The following EFEMP1 variants were observed in gnomAD, a reference collection of about 807,000 sequenced individuals.
EFEMP1 encodes EGF-like fibulin extracellular matrix protein 1.
Under a neutral mutation model 65.7 loss-of-function variants are expected in EFEMP1, and 18 were observed. That is an observed-to-expected ratio of 0.27 (90% CI 0.19 to 0.41). EFEMP1 has a LOEUF of 0.41. Among genes scored for constraint, EFEMP1 ranks in the 10% least tolerant of loss-of-function variants. The pLI is 1.00. For missense variants in EFEMP1, 469 were observed against 624.8 expected (o/e 0.75, Z 2.66); for synonymous variants, 237 against 219.7 (o/e 1.08, Z -0.70).
At position 55,885,033 on chromosome 2, in the gene EFEMP1, G is replaced by A. The variant is rs17047300; in HGVS notation, c.518-3299C>T. On this transcript the variant is annotated intron_variant, in intron 5 of 11. Coordinates refer to ENST00000355426, the MANE Select transcript of EFEMP1 (RefSeq NM_001039348.3). The surrounding 1 kb of genome is among the most constrained non-coding windows in gnomAD (Gnocchi z 4.3). ...CCTAATGGAGCTAAAAATGTATGAA[G>A]CAGAGTAACAAGGTATATCTGAGAA... 0.027 allele frequency among the ~76,000 whole-genome samples: 4,115 copies of A among 152,268 alleles called. 187 individuals carry two copies. Among genetic ancestry groups the A allele is most frequent in the African/African-American group, 0.093 (3,858 of 41,510 alleles).
rs1165675728 is a variant in EFEMP1, at chr2:55,885,907, TTCTC to T, written c.518-4177_518-4174del. Among the ~76,000 whole-genome samples, 7 of 152,182 alleles carry T rather than the reference TTCTC, an allele frequency of 4.6e-5. No individual in the cohort carries two copies. The highest frequency in any genetic ancestry group is 1.7e-4 in the African/African-American group (7 of 41,458). ...TCCCAAACCCCTGACTCATGCTGCT[TTCTC>T]TCTCTTATGCAACATTTTAATCTCT... is the stretch of plus-strand genomic sequence containing the variant. On this transcript the variant is annotated intron_variant, in intron 5 of 11. Transcript: ENST00000355426. This position sits in a 1 kb window ranked among gnomAD's most constrained non-coding sequence, Gnocchi z 4.3.
rs529743000 is a variant in EFEMP1 at position 55,869,801 on chromosome 2, C to T, written c.1320+919G>A. Among the ~76,000 whole-genome samples the T allele has an allele frequency of 6.6e-5, 10 of 152,200 alleles. No homozygotes were observed. The South Asian group carries it at 1.9e-3, about 28-fold the overall frequency. ...ACAGTTACCGTAACTCTGCAAACTGCTTGGTAGGGTGCCATCATTTTCACA... is the reference window on the plus strand; with the variant it reads ...ACAGTTACCGTAACTCTGCAAACTGTTTGGTAGGGTGCCATCATTTTCACA... On this transcript the variant is annotated intron_variant, in intron 11 of 11. Transcript: ENST00000355426.
Position 55,886,900 on chromosome 2 carries a change from C to T in EFEMP1, c.518-5166G>A, listed in dbSNP as rs1669440551. ...AGTATTTGCTATTGATAATGATAAC[C>T]TGAGTAATTAATATAATAAATTATG... is the stretch of plus-strand genomic sequence containing the variant. On this transcript the variant is annotated intron_variant, in intron 5 of 11. Transcript: ENST00000355426. This position sits in a 1 kb window ranked among gnomAD's most constrained non-coding sequence, Gnocchi z 4.0. Among the ~76,000 whole-genome samples, 2 of 151,914 alleles carry T rather than the reference C, an allele frequency of 1.3e-5. No individual in the cohort carries two copies. Among genetic ancestry groups the T allele is most frequent in the Admixed American group, 6.6e-5 (1 of 15,242 alleles).
intron 5 of EFEMP1, among the ~76,000 whole-genome samples, chr2:55,890,398 C>T (rs1224874904): frequency 6.6e-6 from 1 of 151,878 alleles, no homozygotes; most frequent in African/African-American, 2.4e-5. Flanking sequence ...ACACACTTCT[C>T]CTGGTAATTG....
intron 6 of EFEMP1, among the ~76,000 whole-genome samples, chr2:55,880,179 T>G (rs1027935838): frequency 6.6e-6 from 1 of 152,088 alleles, no homozygotes; most frequent in Non-Finnish European, 1.5e-5. Flanking sequence ...AATGATCAGA[T>G]TGAGCAAGAC....
chr2:55,879,764 G>T (rs1227036176), intron 6 of EFEMP1, among the ~76,000 whole-genome samples: 1 of 152,156 alleles, frequency 6.6e-6, no homozygotes, highest in Admixed American at 6.5e-5. Context: ...GGACCAGTCT[G>T]CAATGAATAA....
intron 5 of EFEMP1, among the ~76,000 whole-genome samples, chr2:55,904,284 T>C (rs1670156550): frequency 6.6e-6 from 1 of 152,212 alleles, no homozygotes. Flanking sequence ...ATGCAGTATA[T>C]ATTTTTTAAA....
chr2:55,892,572 G>T (rs1184651729), intron 5 of EFEMP1, among the ~76,000 whole-genome samples: 2 of 137,988 alleles, frequency 1.4e-5, no homozygotes, highest in Non-Finnish European at 3.0e-5. Flanking sequence ...GGGATGAATA[G>T]AAAGTTCTCT....
intron 5 of EFEMP1, among the ~76,000 whole-genome samples, chr2:55,911,704 C>A (rs76777253): frequency 0.033 from 5,029 of 152,090 alleles, 113 homozygotes; most frequent in South Asian, 0.072. Context: ...CACTTTGAGA[C>A]CCACTGAATT....
chr2:55,910,960 A>T (rs1369493476), intron 5 of EFEMP1, among the ~76,000 whole-genome samples: 1 of 152,126 alleles, frequency 6.6e-6, no homozygotes, highest in Non-Finnish European at 1.5e-5. Context: ...GCCTCATCTC[A>T]CAAGTTTGTG....
intron 5 of EFEMP1, among the ~76,000 whole-genome samples, chr2:55,908,249 C>T (rs1199035200): frequency 6.6e-6 from 1 of 152,178 alleles, no homozygotes; most frequent in Non-Finnish European, 1.5e-5. Flanking sequence ...CAGAGTCCTT[C>T]TCCCTTGATC....
At chr2:55,882,772 C>G (rs1194019948) in intron 5 of EFEMP1, among the ~76,000 whole-genome samples, 2 of 151,928 alleles carry the variant, frequency 1.3e-5, no homozygotes, top group Non-Finnish European at 2.9e-5. Flanking sequence ...GTATAAAAAC[C>G]AAAATACTAC....
At chr2:55,913,216 A>G (rs2104445521) in intron 5 of EFEMP1, among the ~76,000 whole-genome samples, 1 of 152,252 alleles carries the variant, frequency 6.6e-6, no homozygotes, top group Non-Finnish European at 1.5e-5. Flanking sequence ...CAACCATCCT[A>G]TTTGCCTGGG....
chr2:55,866,918 G>T lies in EFEMP1; in HGVS notation c.*155C>A. 1 of 924,058 alleles carries T rather than the reference G, an allele frequency of 1.1e-6. No individual in the cohort carries two copies. The highest frequency in any genetic ancestry group is 1.6e-6 in the Non-Finnish European group (1 of 614,396). The allele number at this position is 924,058 out of a possible 1,614,324, so 57.2% of individuals were successfully genotyped here. ...AACTTTGAATCTTTACATATTAAAT[G>T]CCCACTTTATACCATGGTGTAATTG... On this transcript the variant is annotated 3_prime_UTR_variant, in exon 12 of 12. Coordinates refer to ENST00000355426, the MANE Select transcript of EFEMP1 (RefSeq NM_001039348.3).
intron 5 of EFEMP1, among the ~76,000 whole-genome samples, chr2:55,909,503 T>C (rs1302649803): frequency 2.0e-5 from 3 of 152,150 alleles, no homozygotes; most frequent in African/African-American, 7.2e-5. Flanking sequence ...ACAGATGGAA[T>C]GTGGACATGA....
chr2:55,880,935 G>A (rs1411267398), intron 6 of EFEMP1, among the ~76,000 whole-genome samples: 2 of 152,194 alleles, frequency 1.3e-5, no homozygotes, highest in Non-Finnish European at 2.9e-5. Context: ...GGGAGCTCAC[G>A]CTCTTAGGCC....
chr2:55,868,617 A>G (rs757264029), intron 11 of EFEMP1, among the ~76,000 whole-genome samples: 2 of 152,174 alleles, frequency 1.3e-5, no homozygotes, highest in Non-Finnish European at 2.9e-5. Context: ...CTGACTCATG[A>G]CTATCAAGAA....
Position 55,877,732 on chromosome 2 carries a change from C to A in EFEMP1, c.760+14G>T. Reference sequence around the variant, plus strand: ...TTGTGAAGACAGAAATCAGCAAGTTCTCAAAAGGCTTACCTACGCAGGTAT... The same window carrying A: ...TTGTGAAGACAGAAATCAGCAAGTTATCAAAAGGCTTACCTACGCAGGTAT... On this transcript the variant is annotated intron_variant, in intron 7 of 11. Coordinates refer to ENST00000355426, the MANE Select transcript of EFEMP1 (RefSeq NM_001039348.3). The surrounding 1 kb of genome is among the most constrained non-coding windows in gnomAD (Gnocchi z 4.5). 6.2e-7 allele frequency: 1 copy of A among 1,612,638 alleles called. No individual in the cohort carries two copies. The highest frequency in any genetic ancestry group is 1.1e-5 in the South Asian group (1 of 91,056).
intron 5 of EFEMP1, among the ~76,000 whole-genome samples, chr2:55,895,350 C>T (rs978665295): frequency 1.3e-5 from 2 of 152,158 alleles, no homozygotes; most frequent in Non-Finnish European, 1.5e-5. Flanking sequence ...CTTACATGGC[C>T]CTCTGCATCA....
Sources: gnomAD v4.1 joint callset for allele counts (sites outside exome capture counted in the v4.1 genomes callset) on GRCh38, gnomAD v4.1.1 for gene constraint, Gnocchi (gnomAD v3.1) non-coding constraint, MANE v1.5 for transcripts, NCBI Gene and HGNC (gene_info 2026-07-23, HGNC 2026-07-21) for gene names.